KALRN: variants seen among roughly 807,000 people sequenced by gnomAD.
KALRN encodes the protein kalirin.
In KALRN, 70 loss-of-function variants were observed where a neutral mutation model predicts 353.7. The ratio of observed to expected loss-of-function variants is 0.20; its 90% CI spans 0.16 to 0.24. The LOEUF (loss-of-function observed/expected upper bound fraction) is 0.24. Ranked by LOEUF, KALRN falls within the 10% of genes least tolerant of loss-of-function variation. The pLI is 1.00. For missense variants in KALRN, 2,791 were observed against 3,756.7 expected, an observed-to-expected ratio of 0.74 and a Z score of 6.72; for synonymous variants, 1,391 against 1,434.8, an observed-to-expected ratio of 0.97 and a Z score of 0.69.
At chr3:124,188,142 C>A (rs2074447234) in intron 1 of KALRN, among the ~76,000 whole-genome samples, 1 of 152,156 alleles carries the variant, frequency 6.6e-6, no homozygotes, top group Non-Finnish European at 1.5e-5. Flanking sequence ...GAGCCCCCAG[C>A]ATTTAGAACA....
In KALRN at chr3:124,488,207, C is replaced by T; in HGVS notation, c.4288C>T (p.Leu1430Phe). 2 of 1,610,960 alleles carry T rather than the reference C, an allele frequency of 1.2e-6. No homozygotes were observed. Among genetic ancestry groups the T allele is most frequent in the South Asian group, 2.2e-5 (2 of 90,716 alleles). The change falls in exon 29 of 60, where the codon CTT (leucine) becomes TTT (phenylalanine). Residue 1430 changes from leucine to phenylalanine, a missense_variant. Leu to Phe is a conservative substitution (Grantham distance 22, BLOSUM62 0). This residue lies in a region of KALRN where 54 missense variants were observed against 131.7 expected (regional missense o/e 0.41). Coordinates refer to ENST00000682506, the MANE Select transcript of KALRN (RefSeq NM_001388419.1). The part of the protein sequence containing the change: ...ITKYQLLLKE[L>F]LTCCEEGKGE... ...GTCCGGACTTTTTTTTCCCCAGGAA[C>T]TTTTAACTTGCTGTGAAGAAGGGAA...
Position 124,610,631 on chromosome 3 carries a change from C to A in KALRN, c.5183-21789C>A, listed in dbSNP as rs192429111. ...TCGCCTCTCTCTAGATATTAACTAA[C>A]CCTGGGGGGGGCGGCTATCCCTCCA... is the stretch of plus-strand genomic sequence containing the variant. On this transcript the variant is annotated intron_variant, in intron 34 of 59. Coordinates refer to ENST00000682506, the MANE Select transcript of KALRN (RefSeq NM_001388419.1). Among the ~76,000 whole-genome samples the A allele has an allele frequency of 6.2e-3, 817 of 132,704 alleles. 9 individuals are homozygous for A. Among genetic ancestry groups the A allele is most frequent in the African/African-American group, 0.027 (730 of 27,284 alleles). 87.1% of individuals were successfully genotyped at this position (132,704 alleles called of 152,430 possible).
chr3:124,096,148 A>G lies in KALRN; in HGVS notation c.73+62335A>G, dbSNP rs536345464. 3 of 152,162 alleles carry G rather than the reference A, an allele frequency of 2.0e-5. No homozygotes were observed. The South Asian group carries it at 6.2e-4, about 32-fold the overall frequency. The allele number at this position is 152,162 out of a possible 1,614,324, so 9.4% of individuals were successfully genotyped here. On this transcript the variant is annotated intron_variant, in intron 1 of 59. Transcript: ENST00000682506. The stretch of plus-strand genomic sequence containing the variant: ...AGACTGGGAGAAGGGAGAAGAGACC[A>G]CTAGATGTGAATCCTCCTTATCTTT...
At chr3:124,499,012 A>C (rs1204129258) in intron 33 of KALRN, among the ~76,000 whole-genome samples, 1 of 152,156 alleles carries the variant, frequency 6.6e-6, no homozygotes, top group Non-Finnish European at 1.5e-5. Flanking sequence ...AGGGCAAACA[A>C]GGGTGCTGTG....
At chr3:124,303,858 AAAAC>A (rs1193577199) in intron 6 of KALRN, among the ~76,000 whole-genome samples, 2 of 152,128 alleles carry the variant, frequency 1.3e-5, no homozygotes, top group African/African-American at 2.4e-5. Context: ...TTGCAGAAAA[AAAAC>A]TACAGTGTGT....
At chr3:124,517,111 C>T (rs554862114) in intron 33 of KALRN, among the ~76,000 whole-genome samples, 3 of 152,288 alleles carry the variant, frequency 2.0e-5, no homozygotes, top group South Asian at 2.1e-4. Context: ...CCACCATGCC[C>T]GGCCGTGATT....
chr3:124,482,766 C>CA, intron 27 of KALRN, 42 bp from the exon 28 acceptor site: 1 of 1,313,792 alleles, frequency 7.6e-7, no homozygotes, highest in Non-Finnish European at 1.1e-6. Context: ...CACATGCACA[C>CA]ACCCCTCTGT....
intron 23 of KALRN, 61 bp from the exon 24 acceptor site, chr3:124,461,829 G>T: frequency 7.9e-7 from 1 of 1,270,500 alleles, no homozygotes. Context: ...GGGAAGTGAA[G>T]TTTGAAGGAG....
intron 37 of KALRN, among the ~76,000 whole-genome samples, chr3:124,649,332 G>A (rs2083119216): frequency 6.6e-6 from 1 of 152,148 alleles, no homozygotes; most frequent in South Asian, 2.1e-4. Context: ...GCTCACTGAA[G>A]GCCAAGCTGA....
chr3:124,566,464 C>T lies in KALRN; in HGVS notation c.5182+3375C>T, dbSNP rs189563682. Reference sequence around the variant, plus strand: ...AGGCTGCAGTGAGCCATGATCATACCACTGTGCTCCAGCCTGGGTTGCAGA... The same window carrying T: ...AGGCTGCAGTGAGCCATGATCATACTACTGTGCTCCAGCCTGGGTTGCAGA... On this transcript the variant is annotated intron_variant, in intron 34 of 59. Coordinates refer to ENST00000682506, the MANE Select transcript of KALRN (RefSeq NM_001388419.1). Among the ~76,000 whole-genome samples the T allele has an allele frequency of 1.3e-3, 202 of 151,710 alleles. 1 individual carries two copies. Among genetic ancestry groups the T allele is most frequent in the Non-Finnish European group, 2.1e-3 (146 of 67,938 alleles).
At chr3:124,624,327 T>C (rs1233788955) in intron 34 of KALRN, among the ~76,000 whole-genome samples, 4 of 152,228 alleles carry the variant, frequency 2.6e-5, no homozygotes, top group African/African-American at 9.6e-5. Flanking sequence ...CATATTGTTA[T>C]TGTTGTCCAA....
intron 38 of KALRN, among the ~76,000 whole-genome samples, chr3:124,651,863 C>A (rs1016077208): frequency 6.6e-6 from 1 of 152,050 alleles, no homozygotes; most frequent in Non-Finnish European, 1.5e-5. Flanking sequence ...GTCTGGGACT[C>A]CTAGGCTCAA....
At position 124,724,038 on chromosome 3, in the gene KALRN, T is replaced by G. The variant is rs1250455596; in HGVS notation, c.*4568T>G. 2 of 152,004 alleles carry G rather than the reference T, an allele frequency of 1.3e-5. No homozygotes were observed. The highest frequency in any genetic ancestry group is 2.9e-5 in the Non-Finnish European group (2 of 67,966). The allele number at this position is 152,004 out of a possible 1,614,324, so 9.4% of individuals were successfully genotyped here. On this transcript the variant is annotated 3_prime_UTR_variant, in exon 60 of 60. Coordinates refer to ENST00000682506, the MANE Select transcript of KALRN (RefSeq NM_001388419.1). Reference sequence around the variant, plus strand: ...GAGGACAAACCTTGAATCTTTTTTTTTTTTTTTAGGTGGTTAGGTCTTTTA... The same window carrying G: ...GAGGACAAACCTTGAATCTTTTTTTGTTTTTTTAGGTGGTTAGGTCTTTTA...
chr3:124,474,768 C>T, intron 26 of KALRN, 36 bp downstream of exon 26: 1 of 1,471,670 alleles, frequency 6.8e-7, no homozygotes, highest in East Asian at 2.3e-5. Flanking sequence ...ACTGCCCATA[C>T]ACATGGCACC....
intron 8 of KALRN, among the ~76,000 whole-genome samples, chr3:124,330,496 G>T (rs914744229): frequency 1.8e-4 from 28 of 152,094 alleles, no homozygotes; most frequent in Non-Finnish European, 3.4e-4. Flanking sequence ...AACACACAGG[G>T]TGGAGATAAG....
intron 5 of KALRN, among the ~76,000 whole-genome samples, chr3:124,278,663 A>G (rs1484944622): frequency 6.6e-6 from 1 of 152,124 alleles, no homozygotes; most frequent in African/African-American, 2.4e-5. Flanking sequence ...AGTAAAACCA[A>G]TTTTACTTTA....
intron 1 of KALRN, among the ~76,000 whole-genome samples, chr3:124,035,384 T>G (rs1032448976): frequency 2.0e-5 from 3 of 152,126 alleles, no homozygotes; most frequent in African/African-American, 7.2e-5. Context: ...TAACTGGGAC[T>G]AGAAACAAAT....
intron 58 of KALRN, among the ~76,000 whole-genome samples, chr3:124,716,520 T>C (rs2063141524): frequency 6.6e-6 from 1 of 152,024 alleles, no homozygotes; most frequent in Non-Finnish European, 1.5e-5. Flanking sequence ...AGACTTTGTC[T>C]CAAAAACAAA....
intron 1 of KALRN, among the ~76,000 whole-genome samples, chr3:124,057,023 T>C (rs1303898410): frequency 6.6e-6 from 1 of 152,246 alleles, no homozygotes; most frequent in Non-Finnish European, 1.5e-5. Context: ...CAAATCTTTT[T>C]CCCCAGAGTT....
Sources: allele counts gnomAD v4.1 joint callset (sites outside exome capture counted in the v4.1 genomes callset), GRCh38; gene constraint gnomAD v4.1.1; regional missense constraint gnomAD v4.1.1; transcripts MANE v1.5; gene names NCBI Gene and HGNC (gene_info 2026-07-23, HGNC 2026-07-21).